PKIG: variants seen among roughly 807,000 people sequenced by gnomAD.
PKIG encodes protein kinase (cAMP-dependent, catalytic) inhibitor gamma.
A neutral mutation model predicts 6.8 loss-of-function variants in PKIG; 1 was observed. That is an observed-to-expected ratio of 0.15 (90% CI 0.05 to 0.69). PKIG has a LOEUF of 0.69. PKIG is among the 30% of genes least tolerant of loss of function. The pLI, the probability that PKIG is intolerant of heterozygous loss-of-function variation, is 0.82. For missense variants in PKIG, 77 were observed against 104.0 expected (o/e 0.74, Z 1.13); for synonymous variants, 39 against 43.0 (o/e 0.91, Z 0.36).
chr20:44,576,759 C>T (rs1037106697), intron 1 of PKIG, among the ~76,000 whole-genome samples: 7 of 152,156 alleles, frequency 4.6e-5, no homozygotes, highest in African/African-American at 9.7e-5. Context: ...GTCCATCTCT[C>T]CCAAAACAGC....
chr20:44,595,696 T>C (rs1261810271), intron 2 of PKIG, among the ~76,000 whole-genome samples: 1 of 152,104 alleles, frequency 6.6e-6, no homozygotes, highest in African/African-American at 2.4e-5. Flanking sequence ...GTATTTTTAG[T>C]AGAGATGGGG....
intron 1 of PKIG, among the ~76,000 whole-genome samples, chr20:44,559,440 G>A (rs2064747522): frequency 1.3e-5 from 2 of 152,204 alleles, no homozygotes; most frequent in Non-Finnish European, 2.9e-5. Flanking sequence ...TACAGAAGGG[G>A]TGTCAGACAA....
intron 1 of PKIG, among the ~76,000 whole-genome samples, chr20:44,539,866 T>C (rs548923476): frequency 7.9e-5 from 12 of 152,320 alleles, no homozygotes; most frequent in Admixed American, 5.9e-4. Flanking sequence ...TCTTCTTTTT[T>C]CCCCCTTTGC....
chr20:44,582,770 C>G (rs2064959215), intron 1 of PKIG, 39 bp downstream of exon 1: 1 of 152,328 alleles, frequency 6.6e-6, no homozygotes, highest in Non-Finnish European at 1.5e-5. Context: ...CCCAACACCC[C>G]CAGGGAGAAG....
intron 1 of PKIG, among the ~76,000 whole-genome samples, chr20:44,549,568 T>TA (rs1338892513): frequency 6.6e-6 from 1 of 152,212 alleles, no homozygotes; most frequent in Non-Finnish European, 1.5e-5. Flanking sequence ...CTCACACCTA[T>TA]AATCGCAGCA....
chr20:44,586,047 G>A (rs1304296710), intron 1 of PKIG, among the ~76,000 whole-genome samples: 2 of 152,190 alleles, frequency 1.3e-5, no homozygotes, highest in East Asian at 1.9e-4. Flanking sequence ...GCAGGTGAGA[G>A]CTCTCGAGTT....
intron 2 of PKIG, among the ~76,000 whole-genome samples, chr20:44,602,125 A>G (rs1053873697): frequency 1.3e-5 from 2 of 152,252 alleles, no homozygotes; most frequent in Admixed American, 6.5e-5. Context: ...CCCACAAGAT[A>G]CCAAAACCTC....
At chr20:44,551,156 C>A (rs1160442894) in intron 1 of PKIG, among the ~76,000 whole-genome samples, 1 of 152,074 alleles carries the variant, frequency 6.6e-6, no homozygotes, top group East Asian at 1.9e-4. Context: ...CGGGTTCACA[C>A]CACTCTCCTG....
intron 1 of PKIG, among the ~76,000 whole-genome samples, chr20:44,569,820 G>T (rs530305639): frequency 6.6e-6 from 1 of 151,960 alleles, no homozygotes; most frequent in African/African-American, 2.4e-5. Flanking sequence ...TTGGTGTATT[G>T]TATATCCTTT....
chr20:44,544,925 CTTTTTTT>C (rs796482642), intron 1 of PKIG, among the ~76,000 whole-genome samples: 133 of 64,366 alleles, frequency 2.1e-3, no homozygotes, highest in East Asian at 0.02. Context: ...TTCCTTCTTT[CTTTTTTT>C]TTTTTTTTTT....
intron 2 of PKIG, among the ~76,000 whole-genome samples, chr20:44,608,814 A>AAT (rs1555840901): frequency 0.019 from 2,919 of 150,024 alleles, 103 homozygotes; most frequent in African/African-American, 0.06. Context: ...AAAAAAAAAA[A>AAT]AATACTATGA....
At chr20:44,551,639 A>G (rs554458557) in intron 1 of PKIG, among the ~76,000 whole-genome samples, 1 of 152,330 alleles carries the variant, frequency 6.6e-6, no homozygotes, top group African/African-American at 2.4e-5. Flanking sequence ...CAACCAAAAA[A>G]TGCCTCCCAT....
intron 2 of PKIG, among the ~76,000 whole-genome samples, chr20:44,590,899 A>G (rs1240542572): frequency 6.6e-6 from 1 of 152,230 alleles, no homozygotes; most frequent in African/African-American, 2.4e-5. Context: ...TAGGGGGCAC[A>G]TTGCAGCTGT....
chr20:44,600,691 TA>T (rs1019608171), intron 2 of PKIG, among the ~76,000 whole-genome samples: 40 of 144,314 alleles, frequency 2.8e-4, no homozygotes, highest in East Asian at 4.0e-4. Context: ...ACAAAAACAT[TA>T]AAAAAAAAAA....
At chr20:44,563,275 T>G (rs940431639) in intron 1 of PKIG, among the ~76,000 whole-genome samples, 11 of 152,304 alleles carry the variant, frequency 7.2e-5, no homozygotes, top group African/African-American at 2.6e-4. Context: ...CATTTTACTA[T>G]GAAAAATTCC....
intron 3 of PKIG, among the ~76,000 whole-genome samples, chr20:44,615,238 G>A (rs908943911): frequency 1.3e-5 from 2 of 152,118 alleles, no homozygotes; most frequent in Admixed American, 6.5e-5. Flanking sequence ...AGTCTCACCC[G>A]GTGCCACTCC....
intron 1 of PKIG, among the ~76,000 whole-genome samples, chr20:44,558,371 T>C (rs1390058146): frequency 2.0e-5 from 3 of 152,180 alleles, no homozygotes; most frequent in Non-Finnish European, 4.4e-5. Context: ...ATGTGGACTA[T>C]ATGATTGATC....
chr20:44,609,368 G>C (rs1486940862), intron 2 of PKIG, among the ~76,000 whole-genome samples: 1 of 152,204 alleles, frequency 6.6e-6, no homozygotes, highest in African/African-American at 2.4e-5. Flanking sequence ...CTTTCAGATA[G>C]AGCCTGTAAT....
chr20:44,574,632 G>T (rs760204452), intron 1 of PKIG, among the ~76,000 whole-genome samples: 3 of 152,230 alleles, frequency 2.0e-5, no homozygotes, highest in Middle Eastern at 6.8e-3. Flanking sequence ...GGAGTGCAGT[G>T]GTACGATCTT....
Sources: allele counts gnomAD v4.1 joint callset (sites outside exome capture counted in the v4.1 genomes callset), GRCh38; gene constraint gnomAD v4.1.1; transcripts MANE v1.5; gene names NCBI Gene and HGNC (gene_info 2026-07-23, HGNC 2026-07-21).